The following PLB1 variants were observed in gnomAD, a reference collection of about 807,000 sequenced individuals.
PLB1 encodes the protein phospholipase B1, also known as phospholipase B1, membrane-associated.
PLB1 carries 242 observed loss-of-function variants against 227.4 expected under a neutral mutation model. The ratio of observed to expected loss-of-function variants is 1.06; its 90% confidence interval spans 0.96 to 1.18. The LOEUF (loss-of-function observed/expected upper bound fraction) is 1.18, where lower values mean the gene tolerates loss of function less well. PLB1 is among the 50% of genes most tolerant of loss of function. The pLI is 0.00. For synonymous variants in PLB1, 757 were observed against 682.2 expected (o/e 1.11, Z -1.71); for missense variants, 1,858 against 1,816.3 (o/e 1.02, Z -0.42).
At chr2:28,589,105 C>T (rs1681417293) in intron 26 of PLB1, among the ~76,000 whole-genome samples, 2 of 151,976 alleles carry the variant, frequency 1.3e-5, no homozygotes, top group South Asian at 4.2e-4. Context: ...GCGGAGGTTG[C>T]AGTGAGCCAA....
At chr2:28,641,569 C>T (rs1169052889) in intron 57 of PLB1, among the ~76,000 whole-genome samples, 1 of 152,204 alleles carries the variant, frequency 6.6e-6, no homozygotes, top group Admixed American at 6.5e-5. Flanking sequence ...GGTCATGCCA[C>T]TGCACTCCAG....
At chr2:28,604,558 TC>T in intron 40 of PLB1, 96 bp from the exon 41 acceptor site, 2 of 860,384 alleles carry the variant, frequency 2.3e-6, no homozygotes, top group Non-Finnish European at 3.6e-6. Flanking sequence ...GGCCCCTCCA[TC>T]CAGGGAGATG....
intron 43 of PLB1, among the ~76,000 whole-genome samples, chr2:28,607,212 T>C (rs537878496): frequency 2.0e-5 from 3 of 152,320 alleles, no homozygotes; most frequent in South Asian, 2.1e-4. Context: ...CCCGGTCTTA[T>C]GGCTTTTTAA....
chr2:28,589,119 C>A (rs565557035), intron 26 of PLB1, among the ~76,000 whole-genome samples: 2 of 151,862 alleles, frequency 1.3e-5, no homozygotes, highest in Non-Finnish European at 2.9e-5. Flanking sequence ...GAGCCAAGAT[C>A]GCGCCATTGC....
At chr2:28,518,417 AT>A in intron 2 of PLB1, 48 bp from the exon 3 acceptor site, 2 of 1,413,724 alleles carry the variant, frequency 1.4e-6, no homozygotes, top group Non-Finnish European at 2.0e-6. Flanking sequence ...GACCTGCAAT[AT>A]TTCTATACAA....
Position 28,604,046 on chromosome 2 carries a change from G to T in PLB1, c.2855G>T (p.Arg952Leu), listed in dbSNP as rs201717611. 1 of 1,612,714 alleles carries T rather than the reference G, an allele frequency of 6.2e-7. No homozygotes were observed. The highest frequency in any genetic ancestry group is 8.5e-7 in the Non-Finnish European group (1 of 1,178,762). Residue 952 changes from arginine to leucine, a missense_variant and splice_region_variant, in exon 40 of 58, where the codon CGG becomes CTG. By Grantham distance (102) the Arg-to-Leu change is moderately radical. Transcript: ENST00000327757. ...CTGGAGGCCTTCAGCCGAGCCTACCGGGTAAGACCAAGAAGGGCACCATGC... is the reference window on the plus strand; with the variant it reads ...CTGGAGGCCTTCAGCCGAGCCTACCTGGTAAGACCAAGAAGGGCACCATGC... ...ARLEAFSRAYRSSMRELVGSG... is the reference protein window; with the variant it reads ...ARLEAFSRAYLSSMRELVGSG...
chr2:28,594,725 A>C (rs934367263), intron 33 of PLB1: 4 of 152,160 alleles, frequency 2.6e-5, no homozygotes, highest in Non-Finnish European at 5.9e-5. Flanking sequence ...GAGGACATCA[A>C]CCTCTCAAGA....
chr2:28,600,310 C>T (rs574858995), intron 35 of PLB1, among the ~76,000 whole-genome samples: 27 of 152,198 alleles, frequency 1.8e-4, no homozygotes, highest in Admixed American at 1.6e-3. Context: ...AAAGAATATA[C>T]GTAAGAGAAA....
chr2:28,519,270 G>A (rs1389638899), intron 3 of PLB1, among the ~76,000 whole-genome samples: 1 of 152,170 alleles, frequency 6.6e-6, no homozygotes, highest in Non-Finnish European at 1.5e-5. Flanking sequence ...GGCTTTGAAT[G>A]CTATTCTCTG....
chr2:28,514,427 G>C (rs1208604274), intron 1 of PLB1, among the ~76,000 whole-genome samples: 1 of 152,038 alleles, frequency 6.6e-6, no homozygotes, highest in Non-Finnish European at 1.5e-5. Context: ...TAGGTCGTTT[G>C]CCTCTTAATA....
intron 26 of PLB1, among the ~76,000 whole-genome samples, chr2:28,586,868 C>T (rs1161694725): frequency 2.6e-5 from 4 of 152,196 alleles, no homozygotes; most frequent in Non-Finnish European, 2.9e-5. Context: ...CCGCCTCAGT[C>T]CCCCAAGTAG....
At chr2:28,502,245 A>G (rs890526729) in intron 1 of PLB1, among the ~76,000 whole-genome samples, 2 of 152,206 alleles carry the variant, frequency 1.3e-5, no homozygotes, top group African/African-American at 4.8e-5. Context: ...TTATGTTTTC[A>G]TATTTTTAAG....
At chr2:28,604,458 A>G (rs1309950591) in intron 40 of PLB1, among the ~76,000 whole-genome samples, 197 bp from the exon 41 acceptor site, 1 of 152,234 alleles carries the variant, frequency 6.6e-6, no homozygotes, top group Non-Finnish European at 1.5e-5. Flanking sequence ...ACTTACAATC[A>G]AAACAAAAAG....
chr2:28,583,062 A>G (rs1046457873), intron 25 of PLB1, among the ~76,000 whole-genome samples: 1 of 152,140 alleles, frequency 6.6e-6, no homozygotes, highest in African/African-American at 2.4e-5. Context: ...TGGTCCTGAG[A>G]AGGTGCCTGA....
intron 35 of PLB1, among the ~76,000 whole-genome samples, chr2:28,599,040 G>A (rs115843494): frequency 1.8e-3 from 277 of 152,364 alleles, no homozygotes; most frequent in African/African-American, 6.3e-3. Context: ...CTTATCCAAT[G>A]TTTACAACTC....
intron 8 of PLB1, among the ~76,000 whole-genome samples, chr2:28,530,812 C>A (rs7565930): frequency 0.86 from 131,366 of 152,256 alleles, 57,475 homozygotes; most frequent in East Asian, 0.99. Context: ...CATTCTAAGG[C>A]ATATAAGGAC....
At chr2:28,592,260 G>A (rs1394454086) in intron 31 of PLB1, among the ~76,000 whole-genome samples, 3 of 152,124 alleles carry the variant, frequency 2.0e-5, no homozygotes, top group African/African-American at 4.8e-5. Context: ...CCTGCACCTC[G>A]TCTTAATGTG....
At chr2:28,578,240 G>A (rs1346350113) in intron 22 of PLB1, 82 bp downstream of exon 22, 3 of 1,411,442 alleles carry the variant, frequency 2.1e-6, no homozygotes, top group Non-Finnish European at 3.0e-6. Flanking sequence ...ATGGTTGGGA[G>A]CCCGGCTTGG....
intron 2 of PLB1, among the ~76,000 whole-genome samples, chr2:28,517,516 T>C (rs1044113557): frequency 2.6e-5 from 4 of 152,216 alleles, no homozygotes; most frequent in Admixed American, 2.0e-4. Flanking sequence ...CAGGACACTC[T>C]GGTAGGGACA....
Sources: gnomAD v4.1 joint callset for allele counts (sites outside exome capture counted in the v4.1 genomes callset) on GRCh38, gnomAD v4.1.1 for gene constraint, MANE v1.5 for transcripts, NCBI Gene and HGNC (gene_info 2026-07-23, HGNC 2026-07-21) for gene names.